TPRG1: variants seen among roughly 807,000 people sequenced by gnomAD.
TPRG1 encodes the protein tumor protein p63-regulated gene 1 protein.
TPRG1 carries 29 observed loss-of-function variants against 29.3 expected under a neutral mutation model. The observed-to-expected ratio is 0.99, with a 90% CI of 0.74 to 1.35. The LOEUF is 1.35. Ranked by LOEUF, TPRG1 falls within the 40% of genes most tolerant of loss-of-function variation. The pLI, the probability that TPRG1 is intolerant of heterozygous loss-of-function variation, is 0.00. For synonymous variants in TPRG1, 130 were observed against 116.8 expected (o/e 1.11, Z -0.73); for missense variants, 327 against 335.0 (o/e 0.98, Z 0.19).
intron 3 of TPRG1, among the ~76,000 whole-genome samples, chr3:189,008,460 A>C (rs954373867): frequency 6.6e-6 from 1 of 152,202 alleles, no homozygotes; most frequent in Non-Finnish European, 1.5e-5. Flanking sequence ...TGTGCCGCTA[A>C]AGTTGCAAAT....
intron 3 of TPRG1, among the ~76,000 whole-genome samples, chr3:189,023,427 G>A (rs963738384): frequency 6.6e-6 from 1 of 152,102 alleles, no homozygotes; most frequent in Non-Finnish European, 1.5e-5. Flanking sequence ...TAGCTTCTTC[G>A]CATTGAGTTA....
At chr3:189,285,440 C>G (rs537496219) in intron 4 of TPRG1, among the ~76,000 whole-genome samples, 103 of 152,092 alleles carry the variant, frequency 6.8e-4, no homozygotes, top group Admixed American at 2.2e-3. Flanking sequence ...CTGACTTGTT[C>G]CATAGAATCA....
intron 4 of TPRG1, among the ~76,000 whole-genome samples, chr3:189,300,326 G>A (rs529529539): frequency 6.6e-6 from 1 of 152,338 alleles, no homozygotes; most frequent in East Asian, 1.9e-4. Flanking sequence ...CATAATGTAT[G>A]TAGATGTCTT....
At chr3:189,104,013 A>C (rs1719513191) in intron 1 of TPRG1, among the ~76,000 whole-genome samples, 1 of 152,164 alleles carries the variant, frequency 6.6e-6, no homozygotes, top group African/African-American at 2.4e-5. Context: ...TTAGGTGAGA[A>C]AACAGAAATG....
chr3:189,226,445 A>G (rs1434061380), intron 3 of TPRG1, among the ~76,000 whole-genome samples: 6 of 152,196 alleles, frequency 3.9e-5, no homozygotes. Context: ...GGGAATCTCA[A>G]AGGAAATAAA....
chr3:189,320,801 G>T lies in TPRG1; in HGVS notation c.809G>T (p.Arg270Leu), dbSNP rs200541402. The T allele has an allele frequency of 3.8e-6, 6 of 1,596,670 alleles. No homozygotes were observed. The highest frequency in any genetic ancestry group is 5.1e-6 in the Non-Finnish European group (6 of 1,172,212). Residue 270 changes from arginine (R) to leucine (L), a missense_variant, in exon 6 of 6, where the codon CGT becomes CTT. Transcript: ENST00000345063. Reference sequence around the variant, plus strand: ...AACAAACTTGGCTATTCCCTTGCCCGTGGGAGTATTGGTTTTTGAGAGTCT... The same window carrying T: ...AACAAACTTGGCTATTCCCTTGCCCTTGGGAGTATTGGTTTTTGAGAGTCT... ...NRNKLGYSLA[R>L]GSIGF
intron 4 of TPRG1, among the ~76,000 whole-genome samples, chr3:189,264,595 G>T (rs1713723178): frequency 1.3e-5 from 2 of 151,872 alleles, no homozygotes; most frequent in Non-Finnish European, 2.9e-5. Flanking sequence ...GTAGGAAGTG[G>T]GTTAAATTAT....
At chr3:189,258,666 T>C (rs6765818) in intron 4 of TPRG1, among the ~76,000 whole-genome samples, 13,274 of 152,174 alleles carry the variant, frequency 0.087, 720 homozygotes, top group African/African-American at 0.16. Flanking sequence ...AAGCCCCTGA[T>C]TGGGGCTGCT....
chr3:189,203,416 ACTT>A (rs919433166), intron 1 of TPRG1, among the ~76,000 whole-genome samples: 2 of 152,114 alleles, frequency 1.3e-5, no homozygotes, highest in African/African-American at 2.4e-5. Context: ...ACAATCCACT[ACTT>A]CAATAAATAT....
chr3:189,312,325 CG>C (rs952849178), intron 5 of TPRG1, among the ~76,000 whole-genome samples: 1 of 151,454 alleles, frequency 6.6e-6, no homozygotes, highest in Non-Finnish European at 1.5e-5. Flanking sequence ...CCTCAGCCTC[CG>C]GAGTAGCTGG....
chr3:189,159,205 C>T (rs535745922), intron 5 of TPRG1, among the ~76,000 whole-genome samples: 3 of 152,120 alleles, frequency 2.0e-5, no homozygotes, highest in South Asian at 2.1e-4. Context: ...CATGATAATT[C>T]GTTTGAGCCA....
intron 1 of TPRG1, among the ~76,000 whole-genome samples, chr3:189,187,809 T>C (rs1463658465): frequency 2.0e-5 from 3 of 152,230 alleles, no homozygotes; most frequent in African/African-American, 7.2e-5. Context: ...AAGGTATTGA[T>C]TGCATGAAAT....
At chr3:189,249,130 A>G (rs1490776540) in intron 4 of TPRG1, among the ~76,000 whole-genome samples, 1 of 151,556 alleles carries the variant, frequency 6.6e-6, no homozygotes, top group East Asian at 1.9e-4. Context: ...TGTTTTATAT[A>G]TATATATAGC....
chr3:189,204,054 A>C (rs1733928709), intron 1 of TPRG1, among the ~76,000 whole-genome samples: 1 of 140,806 alleles, frequency 7.1e-6, no homozygotes, highest in Admixed American at 7.1e-5. Context: ...AAAAAAAAAA[A>C]AAAAAAAACT....
chr3:189,117,558 C>T (rs1272155502), intron 1 of TPRG1, among the ~76,000 whole-genome samples: 2 of 152,158 alleles, frequency 1.3e-5, no homozygotes, highest in Non-Finnish European at 2.9e-5. Flanking sequence ...TGTGTCCTCA[C>T]CCAAATCTCA....
chr3:189,156,642 A>C (rs995466964), intron 5 of TPRG1, among the ~76,000 whole-genome samples: 10 of 152,216 alleles, frequency 6.6e-5, no homozygotes, highest in Non-Finnish European at 1.3e-4. Flanking sequence ...GACAAAATTC[A>C]TGGGAGATGC....
intron 1 of TPRG1, among the ~76,000 whole-genome samples, chr3:189,102,033 T>C (rs573889550): frequency 6.6e-6 from 1 of 152,332 alleles, no homozygotes; most frequent in Admixed American, 6.5e-5. Flanking sequence ...AGGATATTAC[T>C]ACCATGTCTC....
intron 1 of TPRG1, among the ~76,000 whole-genome samples, chr3:189,195,296 T>C (rs1358306150): frequency 6.6e-6 from 1 of 152,154 alleles, no homozygotes; most frequent in Non-Finnish European, 1.5e-5. Flanking sequence ...GTGTGGCTTC[T>C]CTTAGTGGCT....
intron 3 of TPRG1, among the ~76,000 whole-genome samples, chr3:189,140,856 G>A (rs530808696): frequency 5.9e-5 from 9 of 152,062 alleles, no homozygotes; most frequent in South Asian, 2.1e-4. Context: ...ACCTCCTCTC[G>A]AACTTGCCTG....
Sources: gnomAD v4.1 joint callset for allele counts (sites outside exome capture counted in the v4.1 genomes callset) on GRCh38, gnomAD v4.1.1 for gene constraint, MANE v1.5 for transcripts, NCBI Gene and HGNC (gene_info 2026-07-23, HGNC 2026-07-21) for gene names.